FAM222B: variants seen among roughly 807,000 people sequenced by gnomAD.
FAM222B encodes the protein family with sequence similarity 222 member B.
In FAM222B, 12 loss-of-function variants were observed where a neutral mutation model predicts 38.0. The observed-to-expected ratio is 0.32, with a 90% CI of 0.20 to 0.51. The LOEUF (loss-of-function observed/expected upper bound fraction) is 0.51, where lower values mean the gene tolerates loss of function less well. FAM222B is among the 20% of genes least tolerant of loss of function. The pLI, the probability that FAM222B is intolerant of heterozygous loss-of-function variation, is 0.97. For synonymous variants in FAM222B, 329 were observed against 317.2 expected (o/e 1.04, Z -0.40); for missense variants, 716 against 754.2 (o/e 0.95, Z 0.59).
In FAM222B at chr17:28,756,286, A is replaced by G. The variant is rs1356713781; in HGVS notation, c.*1984T>C. On this transcript the variant is annotated 3_prime_UTR_variant, in exon 3 of 3. Coordinates refer to ENST00000581407, the MANE Select transcript of FAM222B (RefSeq NM_001077498.3). ...GTTGGGGGCAGGGGGATCACAGTAC[A>G]TTTTCCATGCAGACTAAGGGTGGGA... 6.6e-6 allele frequency: 1 copy of G among 152,546 alleles called. No individual in the cohort carries two copies. Among genetic ancestry groups the G allele is most frequent in the Non-Finnish European group, 1.5e-5 (1 of 68,164 alleles). 9.4% of individuals were successfully genotyped at this position (152,546 alleles called of 1,614,324 possible). A position where few individuals can be genotyped will look rare whatever the true frequency, so the allele number is the denominator to read the frequency against.
intron 1 of FAM222B, among the ~76,000 whole-genome samples, chr17:28,807,317 A>G (rs2037538715): frequency 6.6e-6 from 1 of 151,848 alleles, no homozygotes. Context: ...CGCCTGGCAA[A>G]TATTTATCTT....
intron 1 of FAM222B, chr17:28,834,838 G>T (rs962297750): frequency 1.5e-5 from 2 of 132,344 alleles, no homozygotes; most frequent in African/African-American, 5.6e-5. Context: ...AAGAAAAAAA[G>T]AAAAAAAAAA....
chr17:28,793,663 A>G (rs1010155442), intron 1 of FAM222B, among the ~76,000 whole-genome samples: 1 of 152,148 alleles, frequency 6.6e-6, no homozygotes, highest in South Asian at 2.1e-4. Context: ...GCAGCCATCA[A>G]CTTATCCCCT....
In FAM222B at chr17:28,758,951, C is replaced by A. The variant is rs376794567; in HGVS notation, c.1008G>T (p.Ala336=). Residue 336 remains alanine, a synonymous_variant, in exon 3 of 3, where the codon GCG becomes GCT. Transcript: ENST00000581407. ...GGTTGACAGGACCTGCAGCAGGCAA[C>A]GCGGCGGTGGCCGCGTGGGTGTGCT... ...PMEHTHAATA[A]LPAAGPVNLP... 19 of 1,610,288 alleles carry A rather than the reference C, an allele frequency of 1.2e-5. No individual in the cohort carries two copies. The highest frequency in any genetic ancestry group is 3.3e-4 in the Middle Eastern group (2 of 6,074).
chr17:28,758,675 CT>C lies in FAM222B; in HGVS notation c.1283del (p.Lys428SerfsTer83). 1.2e-6 allele frequency: 2 copies of C among 1,605,624 alleles called. No homozygotes were observed. The highest frequency in any genetic ancestry group is 1.7e-6 in the Non-Finnish European group (2 of 1,174,704). ...CGTTGACTGGTGGGGATGGGGTCGG[CT>C]TTTCCAGGGGTGGCTTCAGATGGAA... is the stretch of plus-strand genomic sequence containing the variant. ...QSFHLKPPLE[K>X]PTPSPPVNGM... On this transcript the variant is annotated frameshift_variant, in exon 3 of 3. Coordinates refer to ENST00000581407, the MANE Select transcript of FAM222B (RefSeq NM_001077498.3). LOFTEE classifies it high-confidence loss of function.
intron 1 of FAM222B, among the ~76,000 whole-genome samples, chr17:28,813,163 AAC>A (rs1491281572): frequency 5.2e-4 from 76 of 146,592 alleles, no homozygotes; most frequent in Middle Eastern, 3.5e-3. Context: ...AAAAAAAAAA[AAC>A]ACACATAGTT....
intron 1 of FAM222B, among the ~76,000 whole-genome samples, chr17:28,791,739 AGCCTCC>A (rs1160070758): frequency 7.1e-6 from 1 of 141,566 alleles, no homozygotes; most frequent in Admixed American, 7.5e-5. Flanking sequence ...GGCTCACTAC[AGCCTCC>A]ACTTTCTGGG....
chr17:28,809,378 G>C (rs1045392933), intron 1 of FAM222B, among the ~76,000 whole-genome samples: 1 of 151,384 alleles, frequency 6.6e-6, no homozygotes, highest in Non-Finnish European at 1.5e-5. Flanking sequence ...AAGAGAGAGA[G>C]AGAGAAATGA....
intron 1 of FAM222B, among the ~76,000 whole-genome samples, chr17:28,795,396 C>T (rs9907185): frequency 0.19 from 28,743 of 152,126 alleles, 2,850 homozygotes; most frequent in South Asian, 0.3. Context: ...CCTCCTGCTT[C>T]GGCCTCCCAA....
chr17:28,785,963 T>A (rs2036393527), intron 1 of FAM222B, among the ~76,000 whole-genome samples: 1 of 152,032 alleles, frequency 6.6e-6, no homozygotes, highest in African/African-American at 2.4e-5. Context: ...CCTCCCAAAG[T>A]GCTGGGATTA....
intron 1 of FAM222B, among the ~76,000 whole-genome samples, chr17:28,767,664 TG>T (rs1007789225): frequency 6.8e-6 from 1 of 147,050 alleles, no homozygotes; most frequent in African/African-American, 2.5e-5. Flanking sequence ...TTAGTAGAGA[TG>T]GGGTTTCACC....
chr17:28,762,119 T>C (rs2151766077), intron 2 of FAM222B: 1 of 152,256 alleles, frequency 6.6e-6, no homozygotes, highest in Non-Finnish European at 1.5e-5. Context: ...TTAGTTTTCT[T>C]TGTCCTGCCT....
At position 28,778,007 on chromosome 17, in the gene FAM222B, C is replaced by CTT. The variant is rs34833861; in HGVS notation, c.-40-11302_-40-11301dup. 2.2e-3 allele frequency among the ~76,000 whole-genome samples: 237 copies of CTT among 106,594 alleles called. 2 individuals carry two copies. Among genetic ancestry groups the CTT allele is most frequent in the African/African-American group, 5.1e-3 (145 of 28,526 alleles). 69.9% of individuals were successfully genotyped at this position (106,594 alleles called of 152,430 possible). A position where few individuals can be genotyped will look rare whatever the true frequency, so the allele number is the denominator to read the frequency against. ...GTTTCATCATGTTGCCCAGGCTGGACTTTTTTTTTTTTTTTTTTTTTAAGC... is the reference window on the plus strand; with the variant it reads ...GTTTCATCATGTTGCCCAGGCTGGACTTTTTTTTTTTTTTTTTTTTTTTAAGC... On this transcript the variant is annotated intron_variant, in intron 1 of 2. Coordinates refer to ENST00000581407, the MANE Select transcript of FAM222B (RefSeq NM_001077498.3).
At chr17:28,811,616 G>T (rs145030680) in intron 1 of FAM222B, among the ~76,000 whole-genome samples, 1 of 152,286 alleles carries the variant, frequency 6.6e-6, no homozygotes, top group South Asian at 2.1e-4. Flanking sequence ...CAACAGCAAG[G>T]TAAGTTTGCC....
intron 1 of FAM222B, among the ~76,000 whole-genome samples, chr17:28,815,318 A>G (rs894626301): frequency 4.6e-5 from 7 of 151,226 alleles, no homozygotes; most frequent in Admixed American, 4.6e-4. Flanking sequence ...GGTTCATGCC[A>G]TTCTCCTGCC....
At chr17:28,778,624 T>C (rs1206524385) in intron 1 of FAM222B, among the ~76,000 whole-genome samples, 1 of 142,648 alleles carries the variant, frequency 7.0e-6, no homozygotes, top group Non-Finnish European at 1.5e-5. Flanking sequence ...GCACCTCAGC[T>C]TCCTGAGTAG....
chr17:28,810,010 T>C (rs1302750039), intron 1 of FAM222B, among the ~76,000 whole-genome samples: 1 of 151,982 alleles, frequency 6.6e-6, no homozygotes, highest in Non-Finnish European at 1.5e-5. Flanking sequence ...TGTTTTTGTT[T>C]TTTTGAGACA....
At chr17:28,821,548 T>C (rs1003512356) in intron 1 of FAM222B, among the ~76,000 whole-genome samples, 3 of 152,250 alleles carry the variant, frequency 2.0e-5, no homozygotes, top group African/African-American at 7.2e-5. Flanking sequence ...CAAGTCAGTC[T>C]GCTTTTCTTA....
chr17:28,809,237 GCTA>G (rs1344119195), intron 1 of FAM222B, among the ~76,000 whole-genome samples: 1 of 152,060 alleles, frequency 6.6e-6, no homozygotes, highest in African/African-American at 2.4e-5. Flanking sequence ...TGTAGTCCCA[GCTA>G]CTCAGGAGGC....
Sources: allele counts gnomAD v4.1 joint callset (sites outside exome capture counted in the v4.1 genomes callset), GRCh38; gene constraint gnomAD v4.1.1; transcripts MANE v1.5; gene names NCBI Gene and HGNC (gene_info 2026-07-23, HGNC 2026-07-21).